MACF1: variants seen among roughly 807,000 people sequenced by gnomAD.
The protein encoded by MACF1 is microtubule-actin cross-linking factor 1.
In MACF1, 193 loss-of-function variants were observed where a neutral mutation model predicts 854.8. That is an observed-to-expected ratio of 0.23 (90% CI 0.20 to 0.25). MACF1 has a LOEUF of 0.25. Among genes scored for constraint, MACF1 ranks in the 10% least tolerant of loss-of-function variants. MACF1 has a pLI of 1.00. For missense variants in MACF1, 7,722 were observed against 8,929.1 expected, an observed-to-expected ratio of 0.86 and a Z score of 5.45; for synonymous variants, 3,185 against 3,226.7, an observed-to-expected ratio of 0.99 and a Z score of 0.44.
rs1645802248 is a variant in MACF1 at position 39,292,110 on chromosome 1, A to G, written c.1914+72A>G. 5 of 1,545,336 alleles carry G rather than the reference A, an allele frequency of 3.2e-6. No individual in the cohort carries two copies. In the South Asian group the frequency reaches 6.0e-5, roughly 19 times the overall value. ...CGGATGAAAGGACAGTACACACAAT[A>G]AAGCTGTATTGAAGGAGGAGGGTGC... On this transcript the variant is annotated intron_variant, in intron 16 of 100. Coordinates refer to ENST00000564288, the MANE Select transcript of MACF1 (RefSeq NM_001394062.1).
intron 2 of MACF1, among the ~76,000 whole-genome samples, chr1:39,238,305 T>C (rs976360891): frequency 1.3e-5 from 2 of 151,846 alleles, no homozygotes; most frequent in Non-Finnish European, 2.9e-5. Flanking sequence ...GTTTGAGGGG[T>C]TGTCTTATCT....
chr1:39,333,977 A>G lies in MACF1; in HGVS notation c.7389A>G (p.Gln2463=), dbSNP rs1479868041. ...KTVRERLISL[Q]METTGLIDPD... ...TTAGGGAGAGATTAATTAGTTTACA[A>G]ATGGAAACAACAGGACTTATAGACC... The change falls in exon 37 of 101, where the codon CAA becomes CAG. Residue 2463 remains glutamine, a synonymous_variant. Coordinates refer to ENST00000564288, the MANE Select transcript of MACF1 (RefSeq NM_001394062.1). 1.2e-6 allele frequency: 2 copies of G among 1,614,110 alleles called. No individual in the cohort carries two copies. The highest frequency in any genetic ancestry group is 1.1e-5 in the South Asian group (1 of 91,086).
Position 39,455,060 on chromosome 1 carries a change from A to G in MACF1, c.21038A>G (p.Asn7013Ser), listed in dbSNP as rs768018099. The G allele has an allele frequency of 1.2e-6, 2 of 1,614,030 alleles. No individual in the cohort carries two copies. Among genetic ancestry groups the G allele is most frequent in the Non-Finnish European group, 1.7e-6 (2 of 1,180,024 alleles). ...IQRDQEPIPQ[N>S]IDRVKALIAE... Reference sequence around the variant, plus strand: ...CGGGATCAGGAGCCAATCCCGCAGAACATTGACCGAGTTAAAGCCCTTATC... The same window carrying G: ...CGGGATCAGGAGCCAATCCCGCAGAGCATTGACCGAGTTAAAGCCCTTATC... The change falls in exon 89 of 101, where the codon AAC becomes AGC. Residue 7013 changes from asparagine to serine, a missense_variant. By Grantham distance (46) the Asn-to-Ser change is conservative. Around this residue, in one of 15 missense-constraint regions of MACF1, gnomAD observed 729 missense variants for 900.5 expected, o/e 0.81. Coordinates refer to ENST00000564288, the MANE Select transcript of MACF1 (RefSeq NM_001394062.1).
At chr1:39,253,509 A>ATTTTTTTTTTTT (rs34578005) in intron 4 of MACF1, among the ~76,000 whole-genome samples, 3 of 91,520 alleles carry the variant, frequency 3.3e-5, no homozygotes, top group African/African-American at 8.6e-5. Context: ...AGCTATCTGT[A>ATTTTTTTTTTTT]TTTTTTTTTT....
chr1:39,422,751 C>T lies in MACF1; in HGVS notation c.16000C>T (p.Leu5334=). 6.2e-7 allele frequency: 1 copy of T among 1,614,186 alleles called. No individual in the cohort carries two copies. Among genetic ancestry groups the T allele is most frequent in the Non-Finnish European group, 8.5e-7 (1 of 1,180,022 alleles). ...ACAGGTCGCACAAAGAATTGCACAG[C>T]TACAGGAAGCTTTGTTGCATTGTGG... ...NKKVAQRIAQ[L]QEALLHCGKF... is the part of the protein sequence containing the mutation. Residue 5334 remains leucine (L), a synonymous_variant, in exon 60 of 101, where the codon CTA becomes TTA. Coordinates refer to ENST00000564288, the MANE Select transcript of MACF1 (RefSeq NM_001394062.1).
At position 39,484,666 on chromosome 1, in the gene MACF1, C is replaced by T. The variant is rs372771982; in HGVS notation, c.22347C>T (p.Ser7449=). 1 of 1,613,422 alleles carries T rather than the reference C, an allele frequency of 6.2e-7. No homozygotes were observed. The part of the protein sequence containing the change: ...PTPTFHSSRT[S]LAGDTSNSSS... ...CAACTTTTCATTCTAGTCGGACATC[C>T]CTTGCTGGTGATACCAGCAATAGTT... Residue 7449 remains serine (S), a synonymous_variant, in exon 100 of 101, where the codon TCC becomes TCT. Coordinates refer to ENST00000564288, the MANE Select transcript of MACF1 (RefSeq NM_001394062.1).
At chr1:39,432,944 TA>T in intron 67 of MACF1, 103 bp from the exon 68 acceptor site, 1 of 729,324 alleles carries the variant, frequency 1.4e-6, no homozygotes, top group Non-Finnish European at 2.2e-6. Context: ...TCAAACTGTA[TA>T]AGAACAATTT....
intron 26 of MACF1, among the ~76,000 whole-genome samples, chr1:39,311,851 G>T (rs1380722407): frequency 6.6e-6 from 1 of 152,118 alleles, no homozygotes; most frequent in Non-Finnish European, 1.5e-5. Context: ...TATTAAATTT[G>T]ATCTGGGAGC....
chr1:39,202,832 C>G (rs1029570538), upstream of MACF1, among the ~76,000 whole-genome samples: 9 of 152,058 alleles, frequency 5.9e-5, no homozygotes, highest in African/African-American at 2.2e-4. Context: ...TTTCTGGTAC[C>G]TGGAACATGA....
intron 6 of MACF1, chr1:39,269,569 C>T: frequency 7.8e-7 from 1 of 1,289,706 alleles, no homozygotes; most frequent in Non-Finnish European, 1.0e-6. Context: ...AGCATTTTGC[C>T]CTCCTCCTCT....
At chr1:39,097,864 C>T (rs1641975080) in intron 2 of MACF1, among the ~76,000 whole-genome samples, 1 of 152,208 alleles carries the variant, frequency 6.6e-6, no homozygotes. Flanking sequence ...AAGGGCCTCT[C>T]CCGGCCTCAG....
At chr1:39,104,505 T>C (rs899647932) in intron 2 of MACF1, among the ~76,000 whole-genome samples, 1 of 152,202 alleles carries the variant, frequency 6.6e-6, no homozygotes, top group Non-Finnish European at 1.5e-5. Context: ...CCTGGTTCCG[T>C]CTCAGGTTCC....
chr1:39,279,968 C>G (rs1490436362), intron 6 of MACF1, among the ~76,000 whole-genome samples: 1 of 152,054 alleles, frequency 6.6e-6, no homozygotes, highest in Non-Finnish European at 1.5e-5. Flanking sequence ...TAGTCCCACT[C>G]CAGAGGAGAC....
At chr1:39,430,961 G>GAT (rs1185134312) in intron 66 of MACF1, 53 bp downstream of exon 66, 2 of 1,472,490 alleles carry the variant, frequency 1.4e-6, no homozygotes, top group Admixed American at 3.3e-5. Flanking sequence ...TGATGTGTGA[G>GAT]ATACAGTACT....
At position 39,387,287 on chromosome 1, in the gene MACF1, G is replaced by C; in HGVS notation, c.14445G>C (p.Gln4815His). 5 of 1,614,232 alleles carry C rather than the reference G, an allele frequency of 3.1e-6. No individual in the cohort carries two copies. Among genetic ancestry groups the C allele is most frequent in the Non-Finnish European group, 4.2e-6 (5 of 1,180,050 alleles). Residue 4815 changes from glutamine (Q) to histidine (H), a missense_variant, in exon 58 of 101, where the codon CAG (glutamine) becomes CAC (histidine). By Grantham distance (24) the Gln-to-His change is conservative. Around this residue, in one of 15 missense-constraint regions of MACF1, gnomAD observed 2,807 missense variants for 3,235.8 expected, o/e 0.87. Coordinates refer to ENST00000564288, the MANE Select transcript of MACF1 (RefSeq NM_001394062.1). ...LRTWLDDKQS[Q>H]QAKNCPISAK... ...CCTGGTTGGATGATAAACAAAGCCAGCAAGCAAAAAACTGCCCAATTTCTG... is the reference window on the plus strand; with the variant it reads ...CCTGGTTGGATGATAAACAAAGCCACCAAGCAAAAAACTGCCCAATTTCTG...
intron 16 of MACF1, 22 bp from the exon 17 acceptor site, chr1:39,292,744 T>C (rs1243846778): frequency 1.3e-6 from 2 of 1,551,386 alleles, no homozygotes; most frequent in Non-Finnish European, 1.8e-6. Flanking sequence ...AATGTATTTT[T>C]ATTTCATTCT....
At chr1:39,086,196 T>C (rs1641670326) in intron 2 of MACF1, among the ~76,000 whole-genome samples, 1 of 152,108 alleles carries the variant, frequency 6.6e-6, no homozygotes, top group Non-Finnish European at 1.5e-5. Flanking sequence ...GCTGAATGAG[T>C]GTTTTGAGGA....
At chr1:39,194,346 CTTTTCTTTTTTTT>C (rs1644293198) in intron 2 of MACF1, among the ~76,000 whole-genome samples, 1 of 35,026 alleles carries the variant, frequency 2.9e-5, no homozygotes, top group Non-Finnish European at 4.7e-5. Flanking sequence ...CTTTTCTTTT[CTTTTCTTTTTTTT>C]TTTTTTTTTT....
intron 58 of MACF1, chr1:39,414,593 C>A: frequency 6.8e-7 from 1 of 1,480,678 alleles, no homozygotes; most frequent in Non-Finnish European, 9.1e-7. Flanking sequence ...TTGGGTCTCC[C>A]GGGCTTATAG....
Sources: gnomAD v4.1 joint callset for allele counts (sites outside exome capture counted in the v4.1 genomes callset) on GRCh38, gnomAD v4.1.1 for gene constraint, gnomAD v4.1.1 regional missense constraint, MANE v1.5 for transcripts, NCBI Gene and HGNC (gene_info 2026-07-23, HGNC 2026-07-21) for gene names.